LIMS1: variants seen among roughly 807,000 people sequenced by gnomAD.
LIMS1 encodes LIM zinc finger domain containing 1.
Under a neutral mutation model 44.1 loss-of-function variants are expected in LIMS1, and 18 were observed. The ratio of observed to expected loss-of-function variants is 0.41; its 90% CI spans 0.28 to 0.61. The LOEUF (loss-of-function observed/expected upper bound fraction) is 0.61, where lower values mean the gene tolerates loss of function less well. Ranked by LOEUF, LIMS1 falls within the 20% of genes least tolerant of loss-of-function variation. The pLI is 0.32. For missense variants in LIMS1, 201 were observed against 422.0 expected (o/e 0.48, Z 4.59); for synonymous variants, 93 against 149.1 (o/e 0.62, Z 2.74).
At chr2:108,661,982 C>G (rs2148974627) in intron 2 of LIMS1, among the ~76,000 whole-genome samples, 1 of 152,188 alleles carries the variant, frequency 6.6e-6, no homozygotes, top group African/African-American at 2.4e-5. Flanking sequence ...CTCCTAGTAT[C>G]TAATACAATA....
intron 1 of LIMS1, among the ~76,000 whole-genome samples, chr2:108,565,387 T>C (rs1685260861): frequency 6.6e-6 from 1 of 152,230 alleles, no homozygotes; most frequent in Non-Finnish European, 1.5e-5. Flanking sequence ...TGGTGTTAAG[T>C]AACTCTTTTC....
chr2:108,543,597 A>G (rs906728923), intron 1 of LIMS1, among the ~76,000 whole-genome samples: 1 of 152,198 alleles, frequency 6.6e-6, no homozygotes, highest in African/African-American at 2.4e-5. Context: ...GACAAGGGTA[A>G]TCACCTCAGC....
At chr2:108,611,836 A>AAAATATATATAT (rs1553459738) in intron 1 of LIMS1, among the ~76,000 whole-genome samples, 1 of 130,988 alleles carries the variant, frequency 7.6e-6, no homozygotes, top group East Asian at 2.4e-4. Context: ...CATGATCTAA[A>AAAATATATATAT]ATATATATAT....
intron 1 of LIMS1, among the ~76,000 whole-genome samples, chr2:108,550,995 G>A (rs1031380912): frequency 6.6e-6 from 1 of 151,886 alleles, no homozygotes; most frequent in African/African-American, 2.4e-5. Context: ...TGGGCGTGGT[G>A]GCACACACTT....
intron 1 of LIMS1, among the ~76,000 whole-genome samples, chr2:108,626,437 G>A (rs1395989783): frequency 2.6e-5 from 4 of 152,196 alleles, no homozygotes; most frequent in African/African-American, 9.6e-5. Flanking sequence ...CTTTTTAAAA[G>A]TTCATAGTGC....
intron 1 of LIMS1, among the ~76,000 whole-genome samples, chr2:108,570,531 T>G (rs2104630440): frequency 6.6e-6 from 1 of 152,084 alleles, no homozygotes; most frequent in Middle Eastern, 3.4e-3. Context: ...AGGTTGGTCG[T>G]GGGGGAGGAA....
chr2:108,577,921 T>C (rs933205808), intron 1 of LIMS1, among the ~76,000 whole-genome samples: 1 of 152,114 alleles, frequency 6.6e-6, no homozygotes, highest in Non-Finnish European at 1.5e-5. Context: ...GTTTTGTTTT[T>C]TGAGACGGAG....
At chr2:108,613,902 T>C (rs1335066732) in intron 1 of LIMS1, among the ~76,000 whole-genome samples, 3 of 152,044 alleles carry the variant, frequency 2.0e-5, no homozygotes, top group Non-Finnish European at 4.4e-5. Context: ...CTCCCTGCTG[T>C]CAGCATCCAC....
intron 2 of LIMS1, among the ~76,000 whole-genome samples, chr2:108,669,626 A>G (rs1692025830): frequency 6.6e-6 from 1 of 152,178 alleles, no homozygotes; most frequent in Admixed American, 6.5e-5. Context: ...CTTTTGGCAT[A>G]TAACTTGTAA....
chr2:108,643,751 A>G (rs1689871001), intron 1 of LIMS1, among the ~76,000 whole-genome samples: 1 of 152,214 alleles, frequency 6.6e-6, no homozygotes, highest in African/African-American at 2.4e-5. Context: ...GGAGCCAAAC[A>G]AGCTAAGATC....
chr2:108,637,721 A>G (rs1372086935), intron 1 of LIMS1, among the ~76,000 whole-genome samples: 2 of 152,242 alleles, frequency 1.3e-5, no homozygotes, highest in Non-Finnish European at 2.9e-5. Context: ...ATGTATGTTA[A>G]TGGATCACAA....
chr2:108,621,599 C>T, intron 1 of LIMS1: 1 of 673,652 alleles, frequency 1.5e-6, no homozygotes, highest in Non-Finnish European at 2.7e-6. Flanking sequence ...AAAAACTGAA[C>T]ACAATATCAA....
At chr2:108,578,490 C>T (rs1250763325) in intron 1 of LIMS1, among the ~76,000 whole-genome samples, 3 of 152,026 alleles carry the variant, frequency 2.0e-5, no homozygotes, top group African/African-American at 7.2e-5. Context: ...TCTGAGATTA[C>T]TGCAGCCAGA....
chr2:108,567,277 TA>T (rs1685324652), intron 1 of LIMS1, among the ~76,000 whole-genome samples: 1 of 152,116 alleles, frequency 6.6e-6, no homozygotes, highest in Non-Finnish European at 1.5e-5. Context: ...TAATTGATGT[TA>T]AAATCGTCGC....
At chr2:108,652,605 T>C (rs985010660) in intron 1 of LIMS1, among the ~76,000 whole-genome samples, 14 of 152,238 alleles carry the variant, frequency 9.2e-5, no homozygotes, top group Non-Finnish European at 2.1e-4. Flanking sequence ...GTCCTGTAAC[T>C]TGATAGAGGC....
intron 1 of LIMS1, among the ~76,000 whole-genome samples, chr2:108,549,882 T>TGAGG (rs1558782833): frequency 6.6e-6 from 1 of 152,196 alleles, no homozygotes. Context: ...AACTTGTAAT[T>TGAGG]TGTAATTTCT....
chr2:108,660,642 G>T (rs1244089952), intron 2 of LIMS1: 1 of 264,532 alleles, frequency 3.8e-6, no homozygotes, highest in Non-Finnish European at 7.5e-6. Flanking sequence ...TGTTGCCCAG[G>T]CTGGTCTCAA....
intron 1 of LIMS1, among the ~76,000 whole-genome samples, chr2:108,602,544 AATGATC>A (rs2104725075): frequency 6.6e-6 from 1 of 152,242 alleles, no homozygotes; most frequent in Non-Finnish European, 1.5e-5. Context: ...CATCAGTTGA[AATGATC>A]ATAAGGTTTT....
intron 1 of LIMS1, among the ~76,000 whole-genome samples, chr2:108,546,690 TTTTA>T (rs1684493492): frequency 6.6e-6 from 1 of 152,098 alleles, no homozygotes; most frequent in African/African-American, 2.4e-5. Flanking sequence ...TTTTTTTTTT[TTTTA>T]AAGACAATGG....
Sources: allele counts gnomAD v4.1 joint callset (sites outside exome capture counted in the v4.1 genomes callset), GRCh38; gene constraint gnomAD v4.1.1; transcripts MANE v1.5; gene names NCBI Gene and HGNC (gene_info 2026-07-23, HGNC 2026-07-21).